The following CACNA2D3 variants were observed in gnomAD, a reference collection of about 807,000 sequenced individuals.
CACNA2D3 encodes voltage-dependent calcium channel subunit alpha-2/delta-3.
CACNA2D3 carries 60 observed loss-of-function variants against 160.6 expected under a neutral mutation model. That is an observed-to-expected ratio of 0.37 (90% CI 0.30 to 0.46). The LOEUF (loss-of-function observed/expected upper bound fraction) is 0.46. Ranked by LOEUF, CACNA2D3 falls within the 20% of genes least tolerant of loss-of-function variation. The pLI is 1.00. For missense variants in CACNA2D3, 1,205 were observed against 1,365.0 expected, an observed-to-expected ratio of 0.88 and a Z score of 1.85; for synonymous variants, 558 against 492.9, an observed-to-expected ratio of 1.13 and a Z score of -1.75.
intron 36 of CACNA2D3, 48 bp downstream of exon 36, chr3:55,073,605 G>A (rs931941728): frequency 7.6e-6 from 11 of 1,446,812 alleles, no homozygotes; most frequent in Non-Finnish European, 9.7e-6. Context: ...AACCAGTAAG[G>A]GGTATCAGTG....
intron 9 of CACNA2D3, among the ~76,000 whole-genome samples, chr3:54,622,583 G>T (rs67710322): frequency 2.4e-3 from 204 of 83,382 alleles, no homozygotes; most frequent in Middle Eastern, 6.9e-3. Flanking sequence ...CCAGTTTTTG[G>T]TTTTTTTTTT....
intron 11 of CACNA2D3, among the ~76,000 whole-genome samples, chr3:54,721,383 T>C (rs1343377239): frequency 1.3e-5 from 2 of 152,308 alleles, no homozygotes; most frequent in East Asian, 3.9e-4. Flanking sequence ...TGTCTGAAAA[T>C]ATTTTAATTT....
intron 2 of CACNA2D3, among the ~76,000 whole-genome samples, chr3:54,246,140 A>G (rs1214622650): frequency 3.3e-5 from 5 of 152,232 alleles, no homozygotes; most frequent in Admixed American, 1.3e-4. Flanking sequence ...CTTACTCTCT[A>G]GTGTATTTCT....
rs368507841 is a variant in CACNA2D3 at position 54,642,261 on chromosome 3, G to A, written c.1167+20G>A. On this transcript the variant is annotated intron_variant, in intron 11 of 37. Coordinates refer to ENST00000474759, the MANE Select transcript of CACNA2D3 (RefSeq NM_018398.3). ...CGAAAGGTAAGTTGATGCTGATCCC[G>A]TCTGTGCGGTGGACTCCTTGAGAAT... 1.0e-5 allele frequency: 15 copies of A among 1,457,552 alleles called. No individual in the cohort carries two copies. Among genetic ancestry groups the A allele is most frequent in the African/African-American group, 4.2e-5 (3 of 71,772 alleles). The allele number at this position is 1,457,552 out of a possible 1,614,324, so 90.3% of individuals were successfully genotyped here. A position where few individuals can be genotyped will look rare whatever the true frequency, so the allele number is the denominator to read the frequency against.
At chr3:55,009,609 A>G (rs957794162) in intron 34 of CACNA2D3, among the ~76,000 whole-genome samples, 166 bp downstream of exon 34, 5 of 152,196 alleles carry the variant, frequency 3.3e-5, no homozygotes, top group South Asian at 4.1e-4. Context: ...GTGCTGTGCT[A>G]TCTAGTCTGA....
chr3:54,919,518 G>T (rs1700775073), intron 27 of CACNA2D3, among the ~76,000 whole-genome samples: 1 of 152,140 alleles, frequency 6.6e-6, no homozygotes, highest in Admixed American at 6.5e-5. Flanking sequence ...TTTGAATACT[G>T]AACTTTCCAG....
At chr3:55,038,864 CTATATATA>C (rs10576329) in intron 35 of CACNA2D3, among the ~76,000 whole-genome samples, 18,743 of 98,674 alleles carry the variant, frequency 0.19, 2,061 homozygotes, top group East Asian at 0.27. Context: ...AGCCAGGATG[CTATATATA>C]TATATATATA....
At chr3:54,551,991 T>A (rs945631447) in intron 5 of CACNA2D3, among the ~76,000 whole-genome samples, 6 of 152,238 alleles carry the variant, frequency 3.9e-5, no homozygotes, top group Non-Finnish European at 8.8e-5. Flanking sequence ...AATATTAGCT[T>A]AACTACAGCC....
intron 21 of CACNA2D3, among the ~76,000 whole-genome samples, chr3:54,883,632 A>G (rs1012992706): frequency 2.2e-4 from 33 of 152,114 alleles, no homozygotes; most frequent in African/African-American, 7.5e-4. Flanking sequence ...AAAAGACTTG[A>G]CACTCTAAAC....
intron 9 of CACNA2D3, among the ~76,000 whole-genome samples, chr3:54,618,673 G>A (rs567964683): frequency 6.6e-6 from 1 of 152,212 alleles, no homozygotes; most frequent in South Asian, 2.1e-4. Flanking sequence ...ACTGCTTGGG[G>A]AATATGGCTC....
chr3:54,413,762 T>C (rs7638153), intron 4 of CACNA2D3, among the ~76,000 whole-genome samples: 130,338 of 150,846 alleles, frequency 0.86, 56,362 homozygotes, highest in African/African-American at 0.88. Flanking sequence ...TTTTATTTTC[T>C]ATTTCTTTGC....
chr3:54,551,263 G>A (rs1362461978), intron 5 of CACNA2D3, among the ~76,000 whole-genome samples: 3 of 152,174 alleles, frequency 2.0e-5, no homozygotes, highest in African/African-American at 7.2e-5. Flanking sequence ...AATGAGCTGT[G>A]CACTCCACTA....
chr3:54,335,574 C>A (rs1475901179), intron 3 of CACNA2D3, among the ~76,000 whole-genome samples: 1 of 152,128 alleles, frequency 6.6e-6, no homozygotes, highest in Non-Finnish European at 1.5e-5. Flanking sequence ...TTCTTTACTG[C>A]CACCTGTTTT....
chr3:54,350,991 T>TTTTTTTTTTTTTTTTTG (rs1698551366), intron 3 of CACNA2D3, among the ~76,000 whole-genome samples: 1 of 100,060 alleles, frequency 1.0e-5, no homozygotes, highest in Non-Finnish European at 2.1e-5. Flanking sequence ...TGTTTGTTTT[T>TTTTTTTTTTTTTTTTTG]TTTTTTTTTT....
intron 4 of CACNA2D3, among the ~76,000 whole-genome samples, chr3:54,401,058 C>G (rs530568826): frequency 1.3e-5 from 2 of 151,348 alleles, no homozygotes; most frequent in South Asian, 2.1e-4. Flanking sequence ...TAAAAAGAAC[C>G]AAATAAAAAT....
intron 27 of CACNA2D3, among the ~76,000 whole-genome samples, chr3:54,958,646 T>G (rs1376129562): frequency 6.6e-6 from 1 of 152,136 alleles, no homozygotes; most frequent in Non-Finnish European, 1.5e-5. Flanking sequence ...ATGAAAGTCA[T>G]GTTGATGGAG....
intron 5 of CACNA2D3, among the ~76,000 whole-genome samples, chr3:54,559,205 C>T (rs1702286072): frequency 6.6e-6 from 1 of 152,188 alleles, no homozygotes; most frequent in African/African-American, 2.4e-5. Flanking sequence ...AGAGCATCCT[C>T]AGTGACCCAC....
chr3:55,071,681 A>C (rs924475973), intron 35 of CACNA2D3, among the ~76,000 whole-genome samples: 1 of 143,816 alleles, frequency 7.0e-6, no homozygotes. Context: ...TGATGATAGG[A>C]AGTTTTTTAC....
chr3:54,479,935 T>G (rs1700905314), intron 4 of CACNA2D3, among the ~76,000 whole-genome samples: 1 of 152,180 alleles, frequency 6.6e-6, no homozygotes, highest in African/African-American at 2.4e-5. Flanking sequence ...GTTTTACCCT[T>G]TTGGAGTTGA....
Sources: allele counts gnomAD v4.1 joint callset (sites outside exome capture counted in the v4.1 genomes callset), GRCh38; gene constraint gnomAD v4.1.1; transcripts MANE v1.5; gene names NCBI Gene and HGNC (gene_info 2026-07-23, HGNC 2026-07-21).